Variants in USP37 observed in about 807,000 individuals in gnomAD.
USP37 encodes the protein ubiquitin carboxyl-terminal hydrolase 37.
A neutral mutation model predicts 124.0 loss-of-function variants in USP37; 27 were observed. The ratio of observed to expected loss-of-function variants is 0.22; its 90% confidence interval spans 0.16 to 0.30. The LOEUF is 0.30. USP37 is among the 10% of genes least tolerant of loss of function. The pLI, the probability that USP37 is intolerant of heterozygous loss-of-function variation, is 1.00. For missense variants in USP37, 889 were observed against 1,140.4 expected (o/e 0.78, Z 3.17); for synonymous variants, 365 against 388.0 (o/e 0.94, Z 0.70).
intron 22 of USP37, among the ~76,000 whole-genome samples, chr2:218,462,851 T>C (rs1400094499): frequency 6.6e-6 from 1 of 152,026 alleles, no homozygotes; most frequent in Non-Finnish European, 1.5e-5. Context: ...ACTTCTAAGG[T>C]TCTATTTCTT....
chr2:218,454,374 C>T lies in USP37; in HGVS notation c.*556G>A, dbSNP rs1285061040. The T allele has an allele frequency of 6.6e-6, 1 of 152,626 alleles. No homozygotes were observed. The highest frequency in any genetic ancestry group is 1.5e-5 in the Non-Finnish European group (1 of 68,074). The allele number at this position is 152,626 out of a possible 1,614,324, so 9.5% of individuals were successfully genotyped here. On this transcript the variant is annotated 3_prime_UTR_variant, in exon 26 of 26. Transcript: ENST00000258399. ...AGAGAACAAACTGTCATTAGTGTAA[C>T]ATGAAGAGCTGGCTTTCCAGTGAAT... is the stretch of plus-strand genomic sequence containing the variant.
At chr2:218,517,243 A>G (rs1164959545) in intron 10 of USP37, among the ~76,000 whole-genome samples, 1 of 152,160 alleles carries the variant, frequency 6.6e-6, no homozygotes, top group Non-Finnish European at 1.5e-5. Flanking sequence ...TTTATATGTT[A>G]TTGTTGTCAT....
chr2:218,557,423 T>C (rs1359714461), intron 4 of USP37, among the ~76,000 whole-genome samples: 5 of 152,122 alleles, frequency 3.3e-5, no homozygotes, highest in East Asian at 1.9e-4. Flanking sequence ...GATATATGCA[T>C]GTGACAAACT....
rs754599701 is a variant in USP37 at position 218,459,802 on chromosome 2, T to C, written c.2631A>G (p.Lys877=). ...TGAAAACAATTACCTCAGCATTTCT[T>C]TTCAGTTCCTCAGCTTCAGCTTCTG... ...EYTEAEAEEL[K]RNAETGNLPH... is the part of the protein sequence containing the mutation. Residue 877 remains lysine (K), a synonymous_variant, in exon 23 of 26, where the codon AAA becomes AAG. Transcript: ENST00000258399. 8 of 1,613,458 alleles carry C rather than the reference T, an allele frequency of 5.0e-6. No homozygotes were observed. The South Asian group carries it at 5.5e-5, about 11-fold the overall frequency.
rs560702077 is a variant in USP37, at chr2:218,512,567, G to A, written c.864-2427C>T. ...ATTGCGAAATAGAATACTCACATGGGAAAAGTGTATAAAAATCAAATGTGG... is the reference window on the plus strand; with the variant it reads ...ATTGCGAAATAGAATACTCACATGGAAAAAGTGTATAAAAATCAAATGTGG... On this transcript the variant is annotated intron_variant, in intron 10 of 25. Coordinates refer to ENST00000258399, the MANE Select transcript of USP37 (RefSeq NM_020935.3). 4.6e-5 allele frequency among the ~76,000 whole-genome samples: 7 copies of A among 152,160 alleles called. No individual in the cohort carries two copies. In the East Asian group the frequency reaches 1.2e-3, roughly 25 times the overall value.
In USP37 at chr2:218,558,667, A is replaced by G; in HGVS notation, c.-14T>C. The G allele has an allele frequency of 6.3e-7, 1 of 1,580,384 alleles. No individual in the cohort carries two copies. The highest frequency in any genetic ancestry group is 8.6e-7 in the Non-Finnish European group (1 of 1,164,158). ...CAGAGGAGACATATTTTCTTTAAAA[A>G]TTGCTTCTGGCTAAATTAAAAAGCA... is the stretch of plus-strand genomic sequence containing the variant. On this transcript the variant is annotated 5_prime_UTR_variant, in exon 4 of 26. Transcript: ENST00000258399.
chr2:218,505,609 A>G (rs967678003), intron 11 of USP37, among the ~76,000 whole-genome samples: 1 of 152,080 alleles, frequency 6.6e-6, no homozygotes, highest in African/African-American at 2.4e-5. Context: ...CTTGAAAATG[A>G]TGTTAGTGTT....
At chr2:218,456,589 G>C (rs988685926) in intron 24 of USP37, among the ~76,000 whole-genome samples, 1 of 152,176 alleles carries the variant, frequency 6.6e-6, no homozygotes, top group Non-Finnish European at 1.5e-5. Context: ...GGTCACTTAT[G>C]AATTGAGAAA....
chr2:218,538,607 A>C (rs972838634), intron 8 of USP37, among the ~76,000 whole-genome samples: 4 of 152,172 alleles, frequency 2.6e-5, no homozygotes, highest in Non-Finnish European at 5.9e-5. Flanking sequence ...TAGAAGCTAT[A>C]AAAAATGGGT....
intron 5 of USP37, among the ~76,000 whole-genome samples, chr2:218,553,139 G>A (rs1190199847): frequency 1.3e-5 from 2 of 152,218 alleles, no homozygotes; most frequent in Non-Finnish European, 2.9e-5. Flanking sequence ...AGTGGCAAGA[G>A]CAGGTATTCC....
At chr2:218,472,038 A>G (rs1181657821) in intron 20 of USP37, among the ~76,000 whole-genome samples, 4 of 17,790 alleles carry the variant, frequency 2.2e-4, no homozygotes, top group South Asian at 5.7e-3. Context: ...CGCCCCAGGA[A>G]AAAAAAAAAA....
At chr2:218,486,992 C>T (rs922478006) in intron 15 of USP37, among the ~76,000 whole-genome samples, 4 of 152,120 alleles carry the variant, frequency 2.6e-5, no homozygotes, top group Admixed American at 6.6e-5. Flanking sequence ...TCCCAAAGTG[C>T]TGGGATTACA....
At chr2:218,537,139 T>A (rs974152296) in intron 8 of USP37, among the ~76,000 whole-genome samples, 3 of 152,208 alleles carry the variant, frequency 2.0e-5, no homozygotes, top group Non-Finnish European at 4.4e-5. Flanking sequence ...CTTAATAAAG[T>A]TGTTTTTAAA....
intron 11 of USP37, among the ~76,000 whole-genome samples, chr2:218,499,776 C>G (rs535275814): frequency 6.6e-6 from 1 of 152,118 alleles, no homozygotes; most frequent in South Asian, 2.1e-4. Flanking sequence ...TCTCCCTACC[C>G]TGGGTTGTTT....
At chr2:218,477,849 G>A (rs1691058870) in intron 18 of USP37, among the ~76,000 whole-genome samples, 1 of 152,092 alleles carries the variant, frequency 6.6e-6, no homozygotes, top group African/African-American at 2.4e-5. Context: ...AAGATAAATC[G>A]TTAAAAGGTA....
intron 23 of USP37, among the ~76,000 whole-genome samples, chr2:218,459,296 C>T (rs561337898): frequency 3.9e-5 from 6 of 152,250 alleles, no homozygotes; most frequent in Admixed American, 3.3e-4. Context: ...CCTCCTCTTC[C>T]CAGGTTCAGG....
chr2:218,559,744 G>A (rs554069134), intron 3 of USP37, among the ~76,000 whole-genome samples: 4 of 152,306 alleles, frequency 2.6e-5, no homozygotes, highest in African/African-American at 4.8e-5. Context: ...GCTCATGCCT[G>A]TAATCCCAGC....
chr2:218,561,160 C>T (rs1253458797), intron 2 of USP37, among the ~76,000 whole-genome samples: 1 of 152,148 alleles, frequency 6.6e-6, no homozygotes, highest in Non-Finnish European at 1.5e-5. Context: ...ATCTGTAATA[C>T]TTTTTTCTGC....
At chr2:218,535,440 C>T (rs937515606) in intron 8 of USP37, among the ~76,000 whole-genome samples, 10 of 150,938 alleles carry the variant, frequency 6.6e-5, no homozygotes, top group South Asian at 4.2e-4. Context: ...AGGCTGGGCG[C>T]GGTGGCTCAA....
Sources: allele counts gnomAD v4.1 joint callset (sites outside exome capture counted in the v4.1 genomes callset), GRCh38; gene constraint gnomAD v4.1.1; transcripts MANE v1.5; gene names NCBI Gene and HGNC (gene_info 2026-07-23, HGNC 2026-07-21).